MAPDA: variants seen among roughly 807,000 people sequenced by gnomAD.
The protein encoded by MAPDA is N6-Methyl-AMP deaminase, also known as N6,N6-dimethyl-AMP deaminase.
the MAPDA span, chr15:43,330,629 C>T: frequency 9.7e-7 from 1 of 1,033,622 alleles, no homozygotes; most frequent in Non-Finnish European, 1.3e-6. Flanking sequence ...TTGTGCGTCA[C>T]TTCCGGGAAG....
At chr15:43,341,234 CATAAG>C in the MAPDA span, among the ~76,000 whole-genome samples, 97 of 152,258 alleles carry the variant, frequency 6.4e-4, no homozygotes, top group African/African-American at 2.2e-3. Context: ...TAAGTGTTTA[CATAAG>C]ATAAGGAGAA....
chr15:43,342,058 C>T, the MAPDA span, among the ~76,000 whole-genome samples: 6 of 152,144 alleles, frequency 3.9e-5, no homozygotes, highest in South Asian at 1.0e-3. Context: ...AGGGTGGTCT[C>T]GAACTCCTGA....
At chr15:43,334,967 A>G in the MAPDA span, 1 of 661,272 alleles carries the variant, frequency 1.5e-6, no homozygotes, top group Non-Finnish European at 2.6e-6. Context: ...CCAGATCTAC[A>G]CATACAGCTA....
the MAPDA span, chr15:43,349,506 T>A: frequency 3.7e-6 from 1 of 273,844 alleles, no homozygotes; most frequent in Non-Finnish European, 5.6e-6. Context: ...GATAGAGCAG[T>A]ACACAAAACA....
the MAPDA span, chr15:43,335,604 T>G: frequency 7.4e-7 from 1 of 1,357,072 alleles, no homozygotes; most frequent in Non-Finnish European, 1.0e-6. Context: ...TAGTAAGCAG[T>G]TTGCCTATTG....
chr15:43,351,484 C>T, the MAPDA span: 5 of 440,598 alleles, frequency 1.1e-5, no homozygotes, highest in African/African-American at 8.0e-5. Flanking sequence ...TTTATTTGAT[C>T]TGGGGTGAGT....
At chr15:43,337,152 T>C in the MAPDA span, among the ~76,000 whole-genome samples, 1 of 150,204 alleles carries the variant, frequency 6.7e-6, no homozygotes, top group African/African-American at 2.4e-5. Flanking sequence ...GGCGGGTGCC[T>C]GTAGTCCCAG....
the MAPDA span, chr15:43,350,820 A>G: frequency 5.0e-6 from 4 of 793,742 alleles, no homozygotes; most frequent in Non-Finnish European, 8.0e-6. Flanking sequence ...TCGACTTTGT[A>G]AACTAATAAA....
the MAPDA span, among the ~76,000 whole-genome samples, chr15:43,334,063 A>G: frequency 6.6e-6 from 1 of 152,226 alleles, no homozygotes; most frequent in African/African-American, 2.4e-5. Flanking sequence ...TCAGTGATTG[A>G]GATATCAGTG....
the MAPDA span, among the ~76,000 whole-genome samples, chr15:43,337,742 C>T: frequency 6.6e-6 from 1 of 152,148 alleles, no homozygotes; most frequent in Non-Finnish European, 1.5e-5. Context: ...AATTAAGCAC[C>T]TTTTAGAGGA....
the MAPDA span, chr15:43,342,855 G>T: frequency 1.8e-6 from 1 of 560,168 alleles, no homozygotes; most frequent in South Asian, 2.7e-5. Context: ...ACCCATAAGG[G>T]CCATGTTTTC....
the MAPDA span, among the ~76,000 whole-genome samples, chr15:43,342,766 TA>T: frequency 5.9e-5 from 9 of 151,938 alleles, no homozygotes; most frequent in Admixed American, 2.0e-4. Flanking sequence ...AAAAAGCCTT[TA>T]TTTTTTTTCA....
At chr15:43,338,317 A>G in the MAPDA span, among the ~76,000 whole-genome samples, 1 of 152,248 alleles carries the variant, frequency 6.6e-6, no homozygotes, top group African/African-American at 2.4e-5. Flanking sequence ...GAGATCACTT[A>G]AAACTCTAGT....
the MAPDA span, among the ~76,000 whole-genome samples, chr15:43,347,658 C>A: frequency 6.6e-6 from 1 of 152,148 alleles, no homozygotes; most frequent in African/African-American, 2.4e-5. Flanking sequence ...GCAATTTTCC[C>A]CATTTTATAA....
At chr15:43,354,320 G>C in the MAPDA span, 3 of 152,134 alleles carry the variant, frequency 2.0e-5, no homozygotes, top group Admixed American at 2.0e-4. Flanking sequence ...GTAGCTTTGT[G>C]TGGCATTATA....
the MAPDA span, among the ~76,000 whole-genome samples, chr15:43,338,399 G>A: frequency 6.6e-6 from 1 of 152,210 alleles, no homozygotes; most frequent in African/African-American, 2.4e-5. Flanking sequence ...GTTATTACAT[G>A]TACCAGACAT....
the MAPDA span, chr15:43,346,082 C>G: frequency 6.9e-7 from 1 of 1,446,508 alleles, no homozygotes; most frequent in Non-Finnish European, 9.5e-7. Context: ...GAGTGTCCAA[C>G]AGACACTCCA....
At chr15:43,354,345 AT>A in the MAPDA span, 1 of 152,132 alleles carries the variant, frequency 6.6e-6, no homozygotes, top group African/African-American at 2.4e-5. Flanking sequence ...GCATTATATT[AT>A]TTTCTACCCT....
At chr15:43,335,561 C>A in the MAPDA span, 3 of 1,029,960 alleles carry the variant, frequency 2.9e-6, no homozygotes, top group East Asian at 5.4e-5. Context: ...ATTTTGTAGG[C>A]AAAATTTGTA....
Sources: allele counts gnomAD v4.1 joint callset (sites outside exome capture counted in the v4.1 genomes callset), GRCh38; gene constraint gnomAD v4.1.1; transcripts MANE v1.5; gene names NCBI Gene and HGNC (gene_info 2026-07-23, HGNC 2026-07-21).